C6orf62: variants seen among roughly 807,000 people sequenced by gnomAD.
C6orf62 encodes uncharacterized protein C6orf62.
In C6orf62, 16 loss-of-function variants were observed where a neutral mutation model predicts 26.8. The ratio of observed to expected loss-of-function variants is 0.60; its 90% CI spans 0.40 to 0.91. C6orf62 has a LOEUF of 0.91. C6orf62 is among the 40% of genes least tolerant of loss of function. C6orf62 has a pLI of 0.00. For synonymous variants in C6orf62, 112 were observed against 91.5 expected (o/e 1.22, Z -1.28); for missense variants, 192 against 271.4 (o/e 0.71, Z 2.06).
chr6:24,714,820 C>T (rs1011227242), intron 2 of C6orf62, among the ~76,000 whole-genome samples: 2 of 152,060 alleles, frequency 1.3e-5, no homozygotes, highest in African/African-American at 2.4e-5. Flanking sequence ...GGTTTCACCA[C>T]GTCAGCCAGG....
intron 4 of C6orf62, among the ~76,000 whole-genome samples, chr6:24,708,319 T>C (rs967150429): frequency 6.6e-6 from 1 of 152,030 alleles, no homozygotes; most frequent in African/African-American, 2.4e-5. Flanking sequence ...ACCATTGTTC[T>C]ACAGTGAGGC....
intron 1 of C6orf62, among the ~76,000 whole-genome samples, chr6:24,718,251 T>A (rs1017044692): frequency 5.9e-5 from 9 of 152,204 alleles, no homozygotes; most frequent in African/African-American, 2.2e-4. Context: ...CCATGTTAAC[T>A]CCATATAAAA....
upstream of C6orf62, chr6:24,719,995 A>G (rs1417690392): frequency 3.3e-6 from 5 of 1,536,460 alleles, no homozygotes; most frequent in African/African-American, 5.5e-5. Context: ...AATTGTGTTA[A>G]TATTACTTCT....
At chr6:24,709,446 C>T in intron 3 of C6orf62, 1 of 983,152 alleles carries the variant, frequency 1.0e-6, no homozygotes, top group Middle Eastern at 5.3e-4. Flanking sequence ...TTATTCTAAC[C>T]CTAGCTGCAC....
chr6:24,719,849 C>T (rs1416653587), upstream of C6orf62: 1 of 1,542,976 alleles, frequency 6.5e-7, no homozygotes. Flanking sequence ...CCTTCAGCGG[C>T]AGCGACTCAC....
At chr6:24,715,741 G>A (rs780686445) in intron 2 of C6orf62, among the ~76,000 whole-genome samples, 30 of 151,678 alleles carry the variant, frequency 2.0e-4, no homozygotes, top group Non-Finnish European at 3.8e-4. Context: ...CCAGCTACTC[G>A]GGAGGCTAAG....
chr6:24,709,839 T>C, intron 3 of C6orf62: 4 of 985,396 alleles, frequency 4.1e-6, no homozygotes, highest in Non-Finnish European at 4.8e-6. Flanking sequence ...GATTTAACAA[T>C]ATGATATTTA....
At chr6:24,709,797 G>A (rs1464733370) in intron 3 of C6orf62, 2 of 985,422 alleles carry the variant, frequency 2.0e-6, no homozygotes, top group Non-Finnish European at 2.4e-6. Flanking sequence ...TACATGACAT[G>A]ACCAGGCTTG....
intron 2 of C6orf62, among the ~76,000 whole-genome samples, chr6:24,715,748 TA>T (rs1482015978): frequency 1.4e-5 from 2 of 146,192 alleles, no homozygotes; most frequent in Non-Finnish European, 3.0e-5. Context: ...CTCGGGAGGC[TA>T]AGGCAGGAGA....
intron 4 of C6orf62, chr6:24,707,094 C>T (rs1779024739): frequency 6.6e-6 from 1 of 152,150 alleles, no homozygotes; most frequent in South Asian, 2.1e-4. Context: ...AGGACTCTGA[C>T]TTTGAAGATG....
upstream of C6orf62, chr6:24,719,367 G>C (rs933546384): frequency 6.0e-6 from 6 of 1,004,814 alleles, no homozygotes; most frequent in African/African-American, 1.0e-4. Context: ...AGAGAAAAGT[G>C]CAAAATCGGT....
At position 24,718,855 on chromosome 6, in the gene C6orf62, G is replaced by A; in HGVS notation, c.-187C>T. The A allele has an allele frequency of 1.2e-5, 17 of 1,428,630 alleles. No homozygotes were observed. Among genetic ancestry groups the A allele is most frequent in the Non-Finnish European group, 1.3e-5 (14 of 1,099,398 alleles). The allele number at this position is 1,428,630 out of a possible 1,614,324, so 88.5% of individuals were successfully genotyped here. A position where few individuals can be genotyped will look rare whatever the true frequency, so the allele number is the denominator to read the frequency against. On this transcript the variant is annotated 5_prime_UTR_variant, in exon 1 of 5. Coordinates refer to ENST00000378119, the MANE Select transcript of C6orf62 (RefSeq NM_030939.5). ...ATATTAGCAGACTGTCATATTACAG[G>A]GTCAAGAAACAAAAGCTGCTGTCCA...
At chr6:24,714,725 C>G (rs559279058) in intron 2 of C6orf62, among the ~76,000 whole-genome samples, 1 of 152,192 alleles carries the variant, frequency 6.6e-6, no homozygotes, top group African/African-American at 2.4e-5. Context: ...AAGCGATTCT[C>G]GTGACTTAGC....
chr6:24,720,225 A>C, upstream of C6orf62: 2 of 1,322,812 alleles, frequency 1.5e-6, no homozygotes, highest in Non-Finnish European at 1.9e-6. Flanking sequence ...GACCGACTCT[A>C]GGGCGGGGTT....
At chr6:24,714,201 A>T in intron 3 of C6orf62, 117 bp downstream of exon 3, 1 of 730,964 alleles carries the variant, frequency 1.4e-6, no homozygotes, top group East Asian at 2.8e-5. Flanking sequence ...AATAGGGGAG[A>T]CTCGTGAAAT....
intron 2 of C6orf62, among the ~76,000 whole-genome samples, 200 bp from the exon 3 acceptor site, chr6:24,714,640 G>C (rs1378504365): frequency 6.6e-6 from 1 of 152,090 alleles, no homozygotes; most frequent in East Asian, 1.9e-4. Context: ...TTTGGAGACA[G>C]AGTCCCTCTC....
chr6:24,711,758 G>A (rs1302873455), intron 3 of C6orf62, among the ~76,000 whole-genome samples: 1 of 152,184 alleles, frequency 6.6e-6, no homozygotes, highest in Admixed American at 6.5e-5. Context: ...AAAGAACTGA[G>A]TGAGTTATAT....
upstream of C6orf62, chr6:24,720,294 C>CGGCGGG: frequency 7.7e-7 from 1 of 1,304,544 alleles, no homozygotes; most frequent in Non-Finnish European, 9.7e-7. Flanking sequence ...GAGGCGGCGG[C>CGGCGGG]GGCGGGGGCG....
intron 1 of C6orf62, 39 bp from the exon 2 acceptor site, chr6:24,716,363 C>T (rs760766030): frequency 2.7e-6 from 4 of 1,487,510 alleles, no homozygotes; most frequent in Non-Finnish European, 9.3e-7. Flanking sequence ...CCACAGGGAG[C>T]ACAGCCTTTT....
Sources: gnomAD v4.1 joint callset for allele counts (sites outside exome capture counted in the v4.1 genomes callset) on GRCh38, gnomAD v4.1.1 for gene constraint, MANE v1.5 for transcripts, NCBI Gene and HGNC (gene_info 2026-07-23, HGNC 2026-07-21) for gene names.